The following RIMS1 variants were observed in gnomAD, a reference collection of about 807,000 sequenced individuals.
RIMS1 encodes regulating synaptic membrane exocytosis protein 1.
RIMS1 carries 83 observed loss-of-function variants against 214.1 expected under a neutral mutation model. That is an observed-to-expected ratio of 0.39 (90% CI 0.32 to 0.47). The LOEUF (loss-of-function observed/expected upper bound fraction) is 0.47. RIMS1 is among the 20% of genes least tolerant of loss of function. The probability of loss-of-function intolerance (pLI) is 0.99; values close to 1 mark genes in which losing one functional copy is unlikely to be tolerated. For missense variants in RIMS1, 2,050 were observed against 2,161.8 expected (o/e 0.95, Z 1.03); for synonymous variants, 793 against 786.8 (o/e 1.01, Z -0.13).
At chr6:72,123,481 A>G (rs1002579865) in intron 4 of RIMS1, among the ~76,000 whole-genome samples, 2 of 151,852 alleles carry the variant, frequency 1.3e-5, no homozygotes, top group Non-Finnish European at 2.9e-5. Flanking sequence ...GTAGATGTCT[A>G]TTAGGTCCAC....
intron 4 of RIMS1, among the ~76,000 whole-genome samples, chr6:72,151,969 G>C (rs2153903379): frequency 6.6e-6 from 1 of 152,046 alleles, no homozygotes; most frequent in East Asian, 1.9e-4. Flanking sequence ...AACAAAGAGA[G>C]ATGGGGGAGG....
rs1289372558 is a variant in RIMS1 at position 72,391,872 on chromosome 6, A to G, written c.4506-826A>G. Among the ~76,000 whole-genome samples, 3 of 152,132 alleles carry G rather than the reference A, an allele frequency of 2.0e-5. No homozygotes were observed. The East Asian group carries it at 5.8e-4, about 29-fold the overall frequency. On this transcript the variant is annotated intron_variant, in intron 30 of 33. Transcript: ENST00000521978. ...TCATTTTCTGATATAAAAAAGTAACAAATAAAATTTGCCTCCATCATAAAC... is the reference window on the plus strand; with the variant it reads ...TCATTTTCTGATATAAAAAAGTAACGAATAAAATTTGCCTCCATCATAAAC...
chr6:72,091,020 G>C (rs1836085514), intron 2 of RIMS1, among the ~76,000 whole-genome samples: 1 of 152,208 alleles, frequency 6.6e-6, no homozygotes, highest in African/African-American at 2.4e-5. Context: ...TGATGGCACT[G>C]ATCTGTTTTC....
Position 72,182,976 on chromosome 6 carries a change from G to A in RIMS1, c.1505G>A (p.Ser502Asn). 6.3e-7 allele frequency: 1 copy of A among 1,594,454 alleles called. No individual in the cohort carries two copies. Among genetic ancestry groups the A allele is most frequent in the Non-Finnish European group, 8.5e-7 (1 of 1,171,742 alleles). ...ACCATGCTGCGGAACGACTCTTTGA[G>A]CTCAGACCAGTCCGAGTCGGTGCGG... ...VETMLRNDSL[S>N]SDQSESVRPS... is the part of the protein sequence containing the mutation. Residue 502 changes from serine (S) to asparagine (N), a missense_variant, in exon 6 of 34, where the codon AGC becomes AAC. This residue lies in a region of RIMS1 where 882 missense variants were observed against 828.9 expected (regional missense o/e 1.06). Transcript: ENST00000521978.
At chr6:71,974,021 G>A (rs2151404129) in intron 2 of RIMS1, among the ~76,000 whole-genome samples, 1 of 152,204 alleles carries the variant, frequency 6.6e-6, no homozygotes, top group Non-Finnish European at 1.5e-5. Context: ...GAGGTGTTGG[G>A]GGTCAGTGGG....
chr6:72,098,065 T>A (rs1212348729), intron 3 of RIMS1, among the ~76,000 whole-genome samples: 1 of 152,178 alleles, frequency 6.6e-6, no homozygotes, highest in Non-Finnish European at 1.5e-5. Context: ...GTAAAGAATT[T>A]GTCATATTAT....
intron 30 of RIMS1, among the ~76,000 whole-genome samples, chr6:72,392,101 A>C (rs1003793935): frequency 6.6e-6 from 1 of 152,248 alleles, no homozygotes; most frequent in Non-Finnish European, 1.5e-5. Flanking sequence ...TGATAACTAC[A>C]TCAGTCAACA....
intron 28 of RIMS1, among the ~76,000 whole-genome samples, chr6:72,330,723 C>G (rs919314011): frequency 5.9e-5 from 9 of 151,644 alleles, no homozygotes; most frequent in Non-Finnish European, 1.0e-4. Context: ...AGAAGCAGAA[C>G]AAATGAAAGG....
chr6:71,996,841 C>T (rs1456621357), intron 2 of RIMS1, among the ~76,000 whole-genome samples: 1 of 152,178 alleles, frequency 6.6e-6, no homozygotes, highest in Non-Finnish European at 1.5e-5. Context: ...ATACTTTATA[C>T]TCTGCCCATT....
At chr6:71,960,554 A>T (rs1053771156) in intron 1 of RIMS1, among the ~76,000 whole-genome samples, 4 of 152,138 alleles carry the variant, frequency 2.6e-5, no homozygotes, top group Non-Finnish European at 5.9e-5. Flanking sequence ...ACCTTCTGTC[A>T]TGGGTCGTGG....
chr6:72,099,040 A>T (rs150690224), intron 3 of RIMS1, among the ~76,000 whole-genome samples: 1 of 152,232 alleles, frequency 6.6e-6, no homozygotes, highest in Non-Finnish European at 1.5e-5. Flanking sequence ...CCCATGTGGT[A>T]AGGACATTGT....
At chr6:72,127,304 A>G (rs1490240761) in intron 4 of RIMS1, among the ~76,000 whole-genome samples, 1 of 151,798 alleles carries the variant, frequency 6.6e-6, no homozygotes, top group Non-Finnish European at 1.5e-5. Flanking sequence ...ACATGCTGTG[A>G]TGTTTTTTTT....
intron 29 of RIMS1, among the ~76,000 whole-genome samples, chr6:72,345,114 A>T (rs1248089614): frequency 6.6e-6 from 1 of 151,804 alleles, no homozygotes; most frequent in Non-Finnish European, 1.5e-5. Flanking sequence ...GCAGCTAAAG[A>T]TGTAACAAGA....
At chr6:72,199,117 A>G (rs1278727406) in intron 6 of RIMS1, among the ~76,000 whole-genome samples, 2 of 152,088 alleles carry the variant, frequency 1.3e-5, no homozygotes, top group Admixed American at 6.6e-5. Flanking sequence ...TATTAAGAAG[A>G]AGGTCATGGA....
intron 4 of RIMS1, among the ~76,000 whole-genome samples, chr6:72,124,133 G>T (rs750164203): frequency 1.3e-5 from 2 of 151,810 alleles, no homozygotes; most frequent in Non-Finnish European, 1.5e-5. Context: ...TCCGTGTTTA[G>T]TGCTTCCTTC....
intron 23 of RIMS1, among the ~76,000 whole-genome samples, chr6:72,279,359 T>C (rs775552442): frequency 6.6e-6 from 1 of 152,042 alleles, no homozygotes; most frequent in Non-Finnish European, 1.5e-5. Flanking sequence ...TACTCTAGCT[T>C]TGATTTAATA....
chr6:72,324,016 GTGCA>G (rs1393080721), intron 28 of RIMS1, among the ~76,000 whole-genome samples: 58 of 143,206 alleles, frequency 4.1e-4, no homozygotes, highest in African/African-American at 1.2e-3. Flanking sequence ...AAATAAATGA[GTGCA>G]TGCATGCATA....
At chr6:72,339,677 T>C (rs2096977849) in intron 29 of RIMS1, among the ~76,000 whole-genome samples, 1 of 152,104 alleles carries the variant, frequency 6.6e-6, no homozygotes, top group Non-Finnish European at 1.5e-5. Context: ...CTTCATCCAG[T>C]CTATCATTGT....
chr6:72,393,188 A>G (rs761167314), intron 31 of RIMS1, among the ~76,000 whole-genome samples: 4 of 152,176 alleles, frequency 2.6e-5, no homozygotes, highest in Non-Finnish European at 4.4e-5. Flanking sequence ...CTTACCAAAA[A>G]AGTTAGTATT....
Sources: allele counts gnomAD v4.1 joint callset (sites outside exome capture counted in the v4.1 genomes callset), GRCh38; gene constraint gnomAD v4.1.1; regional missense constraint gnomAD v4.1.1; transcripts MANE v1.5; gene names NCBI Gene and HGNC (gene_info 2026-07-23, HGNC 2026-07-21).